TFDP1: variants seen among roughly 807,000 people sequenced by gnomAD.
The protein encoded by TFDP1 is DRTF1-polypeptide 1.
A neutral mutation model predicts 48.0 loss-of-function variants in TFDP1; 6 were observed. The observed-to-expected ratio is 0.13, with a 90% CI of 0.07 to 0.25. TFDP1 has a LOEUF of 0.25. Among genes scored for constraint, TFDP1 ranks in the 10% least tolerant of loss-of-function variants. The pLI, the probability that TFDP1 is intolerant of heterozygous loss-of-function variation, is 1.00. For missense variants in TFDP1, 335 were observed against 543.0 expected (o/e 0.62, Z 3.81); for synonymous variants, 201 against 211.6 (o/e 0.95, Z 0.44).
intron 2 of TFDP1, among the ~76,000 whole-genome samples, chr13:113,591,473 C>T (rs1957823125): frequency 1.3e-5 from 2 of 152,048 alleles, no homozygotes; most frequent in African/African-American, 4.8e-5. Context: ...TCTTTGTTAG[C>T]TCTTTACTTT....
At chr13:113,608,070 C>T (rs1198964552) in intron 2 of TFDP1, among the ~76,000 whole-genome samples, 7 of 152,118 alleles carry the variant, frequency 4.6e-5, no homozygotes, top group South Asian at 2.1e-4. Flanking sequence ...TGGCCCTGGG[C>T]GGGGCTCCTC....
At chr13:113,614,597 C>G (rs1355341160) in intron 3 of TFDP1, among the ~76,000 whole-genome samples, 2 of 152,218 alleles carry the variant, frequency 1.3e-5, no homozygotes, top group Admixed American at 6.5e-5. Context: ...ACCAGCCCAG[C>G]CGAGGCTCCT....
rs544126153 is a variant in TFDP1, at chr13:113,598,473, G to C, written c.13-12523G>C. Reference sequence around the variant, plus strand: ...CAAGTGTCTGCTCATGAGTGGATGGGCCCCACCCTCTGTGCCTGCTGGGGC... The same window carrying C: ...CAAGTGTCTGCTCATGAGTGGATGGCCCCCACCCTCTGTGCCTGCTGGGGC... On this transcript the variant is annotated intron_variant, in intron 2 of 11. Coordinates refer to ENST00000375370, the MANE Select transcript of TFDP1 (RefSeq NM_007111.5). This position sits in a 1 kb window ranked among gnomAD's most constrained non-coding sequence, Gnocchi z 4.2. Among the ~76,000 whole-genome samples, 1 of 152,236 alleles carries C rather than the reference G, an allele frequency of 6.6e-6. No individual in the cohort carries two copies.
chr13:113,622,232 G>T (rs1268367065), intron 3 of TFDP1, among the ~76,000 whole-genome samples: 1 of 152,204 alleles, frequency 6.6e-6, no homozygotes, highest in Non-Finnish European at 1.5e-5. Context: ...TGGTGGTAGT[G>T]GTCCCCCGGG....
At chr13:113,587,452 A>G (rs1175690209) in intron 2 of TFDP1, among the ~76,000 whole-genome samples, 3 of 150,538 alleles carry the variant, frequency 2.0e-5, no homozygotes, top group Middle Eastern at 3.5e-3. Context: ...GGTTGTGAAC[A>G]AGTCAAGGAA....
rs763012475 is a variant in TFDP1 at position 113,627,700 on chromosome 13, C to T, written c.187-3923C>T. ...CCTGAGCCCTGCCTCCTGTCAGATCCCAGCATTAGGTTCTCAGGAGCGCAA... is the reference window on the plus strand; with the variant it reads ...CCTGAGCCCTGCCTCCTGTCAGATCTCAGCATTAGGTTCTCAGGAGCGCAA... On this transcript the variant is annotated intron_variant, in intron 4 of 11. Transcript: ENST00000375370. This position sits in a 1 kb window ranked among gnomAD's most constrained non-coding sequence, Gnocchi z 4.1. Among the ~76,000 whole-genome samples the T allele has an allele frequency of 3.3e-5, 5 of 152,166 alleles. No individual in the cohort carries two copies. Among genetic ancestry groups the T allele is most frequent in the Non-Finnish European group, 4.4e-5 (3 of 68,026 alleles).
rs4150807 is a variant in TFDP1 at position 113,636,142 on chromosome 13, G to A, written c.839+14G>A. 5.5e-5 allele frequency: 89 copies of A among 1,613,624 alleles called. No individual in the cohort carries two copies. In the East Asian group the frequency reaches 6.2e-4, roughly 11 times the overall value. On this transcript the variant is annotated intron_variant, in intron 9 of 11. Transcript: ENST00000375370. ...CTCCAATGACAAGTAGGTTGTGGGC[G>A]GGGAGCTGTTCCCTGGTCACCCATC...
chr13:113,595,042 T>G (rs138329365), intron 2 of TFDP1, among the ~76,000 whole-genome samples: 1 of 152,320 alleles, frequency 6.6e-6, no homozygotes, highest in East Asian at 1.9e-4. Flanking sequence ...TTCACCTCAG[T>G]ATATTGTCAG....
Position 113,585,752 on chromosome 13 carries a change from CTTTTTT to C in TFDP1, c.-64-11_-64-6del. 5 of 1,091,642 alleles carry C rather than the reference CTTTTTT, an allele frequency of 4.6e-6. No individual in the cohort carries two copies. Among genetic ancestry groups the C allele is most frequent in the South Asian group, 1.6e-5 (1 of 62,640 alleles). The allele number at this position is 1,091,642 out of a possible 1,614,324, so 67.6% of individuals were successfully genotyped here. ...CTTACTTATTTCTTGTTTTTCCTTA[CTTTTTT>C]TTTTTTTTTTACCAGAAAAATCATT... On this transcript the variant is annotated splice_polypyrimidine_tract_variant and intron_variant, in intron 1 of 11. Transcript: ENST00000375370.
At chr13:113,603,896 A>T (rs1295212053) in intron 2 of TFDP1, among the ~76,000 whole-genome samples, 1 of 152,188 alleles carries the variant, frequency 6.6e-6, no homozygotes. Flanking sequence ...CAATTTCAGC[A>T]ATATGTTAAA....
intron 4 of TFDP1, among the ~76,000 whole-genome samples, chr13:113,624,889 ACG>A (rs2049093455): frequency 8.1e-6 from 1 of 124,204 alleles, no homozygotes; most frequent in Non-Finnish European, 1.6e-5. Flanking sequence ...GGTGTCTCTC[ACG>A]TGTCCTCCGG....
intron 3 of TFDP1, among the ~76,000 whole-genome samples, chr13:113,616,720 T>A (rs961190624): frequency 1.3e-5 from 2 of 152,160 alleles, no homozygotes; most frequent in African/African-American, 4.8e-5. Context: ...AATTCCTCAC[T>A]CGTGACCGTC....
rs1286377871 is a variant in TFDP1, at chr13:113,633,082, G to C, written c.309-38G>C. ...CTCGATTCAGGCTGATCCTCAGGAG[G>C]GCTGACAGTCGCTTCTCTTTTCCTT... On this transcript the variant is annotated intron_variant, in intron 5 of 11. Transcript: ENST00000375370. The surrounding 1 kb of genome is among the most constrained non-coding windows in gnomAD (Gnocchi z 4.5). The C allele has an allele frequency of 4.3e-6, 7 of 1,612,690 alleles. No individual in the cohort carries two copies. Among genetic ancestry groups the C allele is most frequent in the Non-Finnish European group, 5.9e-6 (7 of 1,179,444 alleles).
chr13:113,631,667 G>T lies in TFDP1; in HGVS notation c.231G>T (p.Val77=), dbSNP rs778808739. ...GACCGGCAGCGTCAAACACCCTGGTGGTAGGAAGCCCACACACCCCCAGCA... is the reference window on the plus strand; with the variant it reads ...GACCGGCAGCGTCAAACACCCTGGTTGTAGGAAGCCCACACACCCCCAGCA... ...PQRPAASNTL[V]VGSPHTPSTH... Residue 77 remains valine, a synonymous_variant, in exon 5 of 12, where the codon GTG becomes GTT. Transcript: ENST00000375370. 6.2e-7 allele frequency: 1 copy of T among 1,614,140 alleles called. No homozygotes were observed. Among genetic ancestry groups the T allele is most frequent in the East Asian group, 2.2e-5 (1 of 44,870 alleles).
At chr13:113,597,538 GA>G (rs1033041141) in intron 2 of TFDP1, among the ~76,000 whole-genome samples, 2 of 152,238 alleles carry the variant, frequency 1.3e-5, no homozygotes, top group African/African-American at 4.8e-5. Flanking sequence ...CTCAGGTGGG[GA>G]CTCCTGGCCT....
At chr13:113,619,262 C>T (rs1452355985) in intron 3 of TFDP1, among the ~76,000 whole-genome samples, 1 of 152,164 alleles carries the variant, frequency 6.6e-6, no homozygotes, top group Non-Finnish European at 1.5e-5. Flanking sequence ...CACCAGAGGT[C>T]AGGCGTTCAA....
chr13:113,587,305 G>T (rs917271985), intron 2 of TFDP1, among the ~76,000 whole-genome samples: 1 of 151,696 alleles, frequency 6.6e-6, no homozygotes, highest in Non-Finnish European at 1.5e-5. Flanking sequence ...AGGGGCTGGG[G>T]GCTCACCTTG....
At chr13:113,599,525 A>G (rs185684871) in intron 2 of TFDP1, among the ~76,000 whole-genome samples, 7 of 152,338 alleles carry the variant, frequency 4.6e-5, no homozygotes, top group Non-Finnish European at 1.0e-4. Flanking sequence ...CCCTGGCTGA[A>G]TGTTCATCCT....
chr13:113,637,198 TG>T, intron 10 of TFDP1: 1 of 181,190 alleles, frequency 5.5e-6, no homozygotes, highest in Non-Finnish European at 1.2e-5. Context: ...ATTCTTTCCT[TG>T]GGGGCCGTAG....
Sources: allele counts gnomAD v4.1 joint callset (sites outside exome capture counted in the v4.1 genomes callset), GRCh38; gene constraint gnomAD v4.1.1; non-coding constraint Gnocchi (gnomAD v3.1); transcripts MANE v1.5; gene names NCBI Gene and HGNC (gene_info 2026-07-23, HGNC 2026-07-21).